SCAMP1: variants seen among roughly 807,000 people sequenced by gnomAD.
SCAMP1 encodes secretory carrier-associated membrane protein 1.
In SCAMP1, 15 loss-of-function variants were observed where a neutral mutation model predicts 41.8. That is an observed-to-expected ratio of 0.36 (90% CI 0.24 to 0.55). The LOEUF (loss-of-function observed/expected upper bound fraction) is 0.55, where lower values mean the gene tolerates loss of function less well. SCAMP1 is among the 20% of genes least tolerant of loss of function. The pLI is 0.86. For missense variants in SCAMP1, 341 were observed against 412.6 expected (o/e 0.83, Z 1.50); for synonymous variants, 135 against 136.8 (o/e 0.99, Z 0.09).
At chr5:78,423,798 A>C (rs1186444198) in intron 6 of SCAMP1, among the ~76,000 whole-genome samples, 1 of 151,956 alleles carries the variant, frequency 6.6e-6, no homozygotes, top group African/African-American at 2.4e-5. Context: ...GTATATACAA[A>C]TATATTAATA....
At chr5:78,366,176 C>G (rs1310673157) in intron 1 of SCAMP1, among the ~76,000 whole-genome samples, 1 of 143,250 alleles carries the variant, frequency 7.0e-6, no homozygotes, top group Non-Finnish European at 1.5e-5. Flanking sequence ...CGGAGTCTTG[C>G]TCTGTCGCCC....
At chr5:78,398,327 A>G (rs957813508) in intron 2 of SCAMP1, among the ~76,000 whole-genome samples, 2 of 145,476 alleles carry the variant, frequency 1.4e-5, no homozygotes. Flanking sequence ...AATCACCCAA[A>G]GTCTATAGTT....
At chr5:78,474,428 A>G (rs1013750421) in intron 8 of SCAMP1, among the ~76,000 whole-genome samples, 2 of 152,186 alleles carry the variant, frequency 1.3e-5, no homozygotes, top group Non-Finnish European at 2.9e-5. Context: ...GTTGGAATGA[A>G]TGAACAAATG....
chr5:78,424,511 C>T (rs2112153491), intron 6 of SCAMP1, among the ~76,000 whole-genome samples: 1 of 152,262 alleles, frequency 6.6e-6, no homozygotes, highest in East Asian at 1.9e-4. Flanking sequence ...TGGCGGATCA[C>T]ATGAGGTCAG....
At chr5:78,457,345 A>ACC in intron 7 of SCAMP1, among the ~76,000 whole-genome samples, 1 of 151,764 alleles carries the variant, frequency 6.6e-6, no homozygotes, top group East Asian at 1.9e-4. Flanking sequence ...GATGATGGTG[A>ACC]TGTACAGATG....
At chr5:78,471,353 G>C (rs181286668) in intron 8 of SCAMP1, among the ~76,000 whole-genome samples, 149 of 152,208 alleles carry the variant, frequency 9.8e-4, no homozygotes, top group South Asian at 2.9e-3. Flanking sequence ...AGGGATATCT[G>C]ACCCATCTGT....
At chr5:78,440,976 G>A (rs1336697826) in intron 6 of SCAMP1, among the ~76,000 whole-genome samples, 1 of 152,210 alleles carries the variant, frequency 6.6e-6, no homozygotes, top group East Asian at 1.9e-4. Flanking sequence ...CTAGTAGTGA[G>A]CAAGGCTCTG....
intron 1 of SCAMP1, among the ~76,000 whole-genome samples, chr5:78,373,198 C>A (rs1279115948): frequency 6.6e-6 from 1 of 152,094 alleles, no homozygotes; most frequent in Non-Finnish European, 1.5e-5. Context: ...TGTTTGCCTG[C>A]AGTATGTATA....
chr5:78,433,803 G>A (rs1441477227), intron 6 of SCAMP1, among the ~76,000 whole-genome samples: 2 of 152,100 alleles, frequency 1.3e-5, no homozygotes, highest in African/African-American at 4.8e-5. Flanking sequence ...TTCTTGTTCT[G>A]GTTCAGCCTC....
intron 1 of SCAMP1, among the ~76,000 whole-genome samples, chr5:78,377,914 T>G (rs1751106993): frequency 6.6e-6 from 1 of 152,214 alleles, no homozygotes; most frequent in Non-Finnish European, 1.5e-5. Context: ...GTTCAAAGTT[T>G]ATAGCTTCTT....
chr5:78,371,150 C>T (rs1750934501), intron 1 of SCAMP1, among the ~76,000 whole-genome samples: 1 of 151,994 alleles, frequency 6.6e-6, no homozygotes, highest in Non-Finnish European at 1.5e-5. Flanking sequence ...TCTTTTGAAG[C>T]ACAAAAGCTT....
At chr5:78,456,059 A>G (rs1414708536) in intron 7 of SCAMP1, among the ~76,000 whole-genome samples, 4 of 89,878 alleles carry the variant, frequency 4.5e-5, no homozygotes, top group East Asian at 3.2e-4. Flanking sequence ...CCATCCTTTT[A>G]TTTTGAGCCT....
At chr5:78,391,305 G>T (rs1303931191) in intron 2 of SCAMP1, among the ~76,000 whole-genome samples, 21 of 150,346 alleles carry the variant, frequency 1.4e-4, no homozygotes, top group Admixed American at 6.6e-4. Context: ...CTCCCTCCCG[G>T]ACGGGGCGGC....
chr5:78,460,777 CT>C, intron 8 of SCAMP1, among the ~76,000 whole-genome samples: 1 of 41,198 alleles, frequency 2.4e-5, no homozygotes, highest in Admixed American at 1.5e-4. Flanking sequence ...TCCTTCCTTC[CT>C]TCCTTCCTTC....
intron 6 of SCAMP1, among the ~76,000 whole-genome samples, chr5:78,427,119 G>A (rs1418184144): frequency 6.6e-6 from 1 of 152,220 alleles, no homozygotes; most frequent in East Asian, 1.9e-4. Flanking sequence ...GTTCTGCAGA[G>A]TGTACAAGAA....
At chr5:78,470,148 T>C (rs562292942) in intron 8 of SCAMP1, among the ~76,000 whole-genome samples, 2 of 152,014 alleles carry the variant, frequency 1.3e-5, no homozygotes, top group Non-Finnish European at 2.9e-5. Context: ...TGGCTTTTGG[T>C]GTATTGTATT....
At chr5:78,392,211 A>G (rs984687462) in intron 2 of SCAMP1, among the ~76,000 whole-genome samples, 1 of 152,236 alleles carries the variant, frequency 6.6e-6, no homozygotes, top group Non-Finnish European at 1.5e-5. Context: ...TTCTTCATCA[A>G]GCTGTCTACT....
At chr5:78,421,762 T>C (rs1255960292) in intron 5 of SCAMP1, 39 bp from the exon 6 acceptor site, 3 of 1,554,196 alleles carry the variant, frequency 1.9e-6, no homozygotes. Context: ...AAATTGAATG[T>C]AAATCTTTCT....
At chr5:78,438,441 A>AT (rs1403636819) in intron 6 of SCAMP1, among the ~76,000 whole-genome samples, 1 of 152,156 alleles carries the variant, frequency 6.6e-6, no homozygotes, top group African/African-American at 2.4e-5. Context: ...TTCAAAGAAC[A>AT]TTTTTATTTC....
Sources: allele counts gnomAD v4.1 joint callset (sites outside exome capture counted in the v4.1 genomes callset), GRCh38; gene constraint gnomAD v4.1.1; transcripts MANE v1.5; gene names NCBI Gene and HGNC (gene_info 2026-07-23, HGNC 2026-07-21).